The following POU2F1 variants were observed in gnomAD, a reference collection of about 807,000 sequenced individuals.
POU2F1 encodes POU domain, class 2, transcription factor 1.
In POU2F1, 16 loss-of-function variants were observed where a neutral mutation model predicts 84.9. The observed-to-expected ratio is 0.19, with a 90% CI of 0.13 to 0.29. The LOEUF (loss-of-function observed/expected upper bound fraction) is 0.29. POU2F1 is among the 10% of genes least tolerant of loss of function. The probability of loss-of-function intolerance (pLI) is 1.00; values close to 1 mark genes in which losing one functional copy is unlikely to be tolerated. For synonymous variants in POU2F1, 368 were observed against 368.3 expected (o/e 1.00, Z 0.01); for missense variants, 738 against 942.6 (o/e 0.78, Z 2.84).
intron 1 of POU2F1, among the ~76,000 whole-genome samples, chr1:167,294,595 C>T (rs939035273): frequency 1.6e-4 from 25 of 152,064 alleles, no homozygotes; most frequent in Non-Finnish European, 3.4e-4. Context: ...ATAATTCCAT[C>T]AAAAAGTGAG....
At chr1:167,397,428 T>C (rs1648886731) in intron 10 of POU2F1, among the ~76,000 whole-genome samples, 1 of 152,206 alleles carries the variant, frequency 6.6e-6, no homozygotes. Context: ...GTAAACCTCT[T>C]CTGTCTCAGA....
intron 1 of POU2F1, among the ~76,000 whole-genome samples, chr1:167,291,045 A>G (rs941107964): frequency 3.3e-4 from 4 of 12,048 alleles, no homozygotes; most frequent in Admixed American, 2.3e-3. Flanking sequence ...ACCCTGTCAG[A>G]AAAAAAAAAA....
intron 1 of POU2F1, among the ~76,000 whole-genome samples, chr1:167,273,754 A>G: frequency 6.6e-6 from 1 of 152,242 alleles, no homozygotes; most frequent in East Asian, 1.9e-4. Flanking sequence ...AAGCTAGGAT[A>G]ACCACGTTAT....
rs546397000 is a variant in POU2F1 at position 167,341,864 on chromosome 1, G to A, written c.127+9329G>A. ...TTGAGCGGTGGAGGTGGCTCTTAGC[G>A]GGATGGATGGGGAGCTGGAAAGGGA... On this transcript the variant is annotated intron_variant, in intron 2 of 15. Coordinates refer to ENST00000367866, the MANE Select transcript of POU2F1 (RefSeq NM_002697.4). 4.9e-4 allele frequency among the ~76,000 whole-genome samples: 74 copies of A among 152,254 alleles called. 2 individuals are homozygous for A. In the South Asian group the frequency reaches 0.014, roughly 29 times the overall value.
chr1:167,385,033 T>C (rs1647859530), intron 8 of POU2F1, among the ~76,000 whole-genome samples: 1 of 152,086 alleles, frequency 6.6e-6, no homozygotes, highest in Non-Finnish European at 1.5e-5. Flanking sequence ...ATAAAAATCA[T>C]TTACATTTCT....
intron 3 of POU2F1, among the ~76,000 whole-genome samples, chr1:167,367,163 G>C (rs1159468491): frequency 2.0e-5 from 3 of 152,090 alleles, no homozygotes; most frequent in African/African-American, 7.2e-5. Context: ...ACAAGTCCTT[G>C]CATCTGATTA....
intron 1 of POU2F1, among the ~76,000 whole-genome samples, chr1:167,226,330 A>G (rs569583148): frequency 3.9e-5 from 6 of 152,264 alleles, no homozygotes; most frequent in Non-Finnish European, 5.9e-5. Flanking sequence ...AAGGATGTAA[A>G]TATCCTTTTG....
At position 167,420,354 on chromosome 1, in the gene POU2F1, G is replaced by A. The variant is rs930960287; in HGVS notation, c.*4544G>A. 1 of 151,928 alleles carries A rather than the reference G, an allele frequency of 6.6e-6. No homozygotes were observed. Among genetic ancestry groups the A allele is most frequent in the Non-Finnish European group, 1.5e-5 (1 of 68,036 alleles). The allele number at this position is 151,928 out of a possible 1,614,324, so 9.4% of individuals were successfully genotyped here. A position where few individuals can be genotyped will look rare whatever the true frequency, so the allele number is the denominator to read the frequency against. On this transcript the variant is annotated 3_prime_UTR_variant, in exon 16 of 16. Coordinates refer to ENST00000367866, the MANE Select transcript of POU2F1 (RefSeq NM_002697.4). ...AATTTTTGTATTTTTAGTAGGGACG[G>A]GATTTCTCCGTGTTGGCCAGGCTTT...
intron 1 of POU2F1, among the ~76,000 whole-genome samples, chr1:167,313,643 AAAAC>A (rs1179315059): frequency 1.3e-5 from 2 of 152,242 alleles, no homozygotes; most frequent in Non-Finnish European, 2.9e-5. Flanking sequence ...CTCACATAAA[AAAAC>A]AAAACAGAAG....
intron 2 of POU2F1, among the ~76,000 whole-genome samples, chr1:167,355,170 T>C (rs918260132): frequency 6.6e-6 from 1 of 151,654 alleles, no homozygotes; most frequent in Admixed American, 6.6e-5. Flanking sequence ...TCATTTTTCT[T>C]TCTTTTTTTT....
intron 1 of POU2F1, among the ~76,000 whole-genome samples, chr1:167,280,748 A>G (rs1215104390): frequency 6.6e-6 from 1 of 152,234 alleles, no homozygotes; most frequent in Admixed American, 6.5e-5. Context: ...TCCTAAGCAT[A>G]AAAAGTAAGA....
At chr1:167,354,874 G>A (rs974239034) in intron 2 of POU2F1, among the ~76,000 whole-genome samples, 6 of 151,876 alleles carry the variant, frequency 4.0e-5, no homozygotes, top group Non-Finnish European at 7.4e-5. Flanking sequence ...TTTTTCTGTT[G>A]GGTTGACTTT....
intron 1 of POU2F1, among the ~76,000 whole-genome samples, chr1:167,315,820 A>C (rs1557888676): frequency 2.0e-5 from 3 of 151,422 alleles, no homozygotes; most frequent in Non-Finnish European, 4.4e-5. Flanking sequence ...AAAAAAAAAA[A>C]CCCTGAAATT....
chr1:167,248,094 G>T (rs1650467703), intron 1 of POU2F1, among the ~76,000 whole-genome samples: 1 of 152,220 alleles, frequency 6.6e-6, no homozygotes, highest in South Asian at 2.1e-4. Flanking sequence ...ATTTTGGAAA[G>T]AATTGTGTGA....
chr1:167,261,198 G>A (rs1432509489), intron 1 of POU2F1, among the ~76,000 whole-genome samples: 1 of 152,176 alleles, frequency 6.6e-6, no homozygotes, highest in Non-Finnish European at 1.5e-5. Context: ...AGTCAAGCAA[G>A]CGCTATAAGG....
chr1:167,332,142 A>C (rs541639270), intron 1 of POU2F1, among the ~76,000 whole-genome samples: 1 of 152,078 alleles, frequency 6.6e-6, no homozygotes, highest in Non-Finnish European at 1.5e-5. Context: ...GTTTTACTTC[A>C]TGTTAAAAGC....
chr1:167,297,101 A>G (rs1654335452), intron 1 of POU2F1, among the ~76,000 whole-genome samples: 1 of 152,230 alleles, frequency 6.6e-6, no homozygotes, highest in African/African-American at 2.4e-5. Flanking sequence ...CCAATTTTGG[A>G]AATTCCAACT....
At chr1:167,307,813 CA>C (rs1419439745) in intron 1 of POU2F1, among the ~76,000 whole-genome samples, 1 of 152,162 alleles carries the variant, frequency 6.6e-6, no homozygotes, top group Non-Finnish European at 1.5e-5. Context: ...TAATCCAATC[CA>C]AGACTGCACA....
rs1321589552 is a variant in POU2F1 at position 167,222,250 on chromosome 1, T to G, written c.61+1292T>G. On this transcript the variant is annotated intron_variant, in intron 1 of 15. Transcript: ENST00000367866. ...GAGGGACGGGGATCCCCCTCCCTTC[T>G]TCTGTGGCGGTGTTTTCTCGCTGTG... 2.0e-5 allele frequency among the ~76,000 whole-genome samples: 3 copies of G among 152,176 alleles called. No homozygotes were observed. The East Asian group carries it at 5.8e-4, about 29-fold the overall frequency.
Sources: allele counts gnomAD v4.1 joint callset (sites outside exome capture counted in the v4.1 genomes callset), GRCh38; gene constraint gnomAD v4.1.1; transcripts MANE v1.5; gene names NCBI Gene and HGNC (gene_info 2026-07-23, HGNC 2026-07-21).